The following USP8 variants were observed in gnomAD, a reference collection of about 807,000 sequenced individuals.
USP8 encodes the protein ubiquitin specific peptidase 8.
In USP8, 27 loss-of-function variants were observed where a neutral mutation model predicts 130.0. That is an observed-to-expected ratio of 0.21 (90% CI 0.15 to 0.29). USP8 has a LOEUF of 0.29. USP8 is among the 10% of genes least tolerant of loss of function. The pLI, the probability that USP8 is intolerant of heterozygous loss-of-function variation, is 1.00. For missense variants in USP8, 1,029 were observed against 1,312.2 expected, an observed-to-expected ratio of 0.78 and a Z score of 3.33; for synonymous variants, 392 against 444.1, an observed-to-expected ratio of 0.88 and a Z score of 1.48.
intron 12 of USP8, among the ~76,000 whole-genome samples, chr15:50,485,593 G>A (rs1422566981): frequency 4.5e-5 from 2 of 44,186 alleles, no homozygotes; most frequent in African/African-American, 8.0e-5. Context: ...TAGTAATTTA[G>A]TGTTGTGAAA....
intron 7 of USP8, among the ~76,000 whole-genome samples, chr15:50,468,061 G>C (rs1349868357): frequency 1.3e-5 from 2 of 151,664 alleles, no homozygotes; most frequent in Non-Finnish European, 1.5e-5. Flanking sequence ...TCAGCCCCCT[G>C]AGTAGCTGGG....
intron 3 of USP8, 64 bp downstream of exon 3, chr15:50,441,557 T>C: frequency 7.1e-7 from 1 of 1,399,334 alleles, no homozygotes; most frequent in Non-Finnish European, 9.5e-7. Flanking sequence ...ATTGATTTTT[T>C]TCTAAAAATT....
chr15:50,440,804 A>G (rs1276069323), intron 2 of USP8, among the ~76,000 whole-genome samples: 1 of 151,990 alleles, frequency 6.6e-6, no homozygotes, highest in Non-Finnish European at 1.5e-5. Flanking sequence ...GGAGTTCAAG[A>G]CCAGCCTGAC....
In USP8 at chr15:50,471,668, A is replaced by T. The variant is rs757443139; in HGVS notation, c.722A>T (p.Asp241Val). 2 of 1,613,906 alleles carry T rather than the reference A, an allele frequency of 1.2e-6. No individual in the cohort carries two copies. Among genetic ancestry groups the T allele is most frequent in the East Asian group, 4.5e-5 (2 of 44,854 alleles). ...AGTTGGATTGAAGCACACCTGCCAG[A>T]TGATTCTAAAGACACATGGAAGAAG... ...TASWIEAHLP[D>V]DSKDTWKKRG... The change falls in exon 8 of 20, where the codon GAT (aspartate) becomes GTT (valine). Residue 241 changes from aspartate (D) to valine (V), a missense_variant. Coordinates refer to ENST00000307179, the MANE Select transcript of USP8 (RefSeq NM_005154.5).
At chr15:50,446,675 T>C (rs932468796) in intron 3 of USP8, among the ~76,000 whole-genome samples, 6 of 152,228 alleles carry the variant, frequency 3.9e-5, no homozygotes, top group Non-Finnish European at 8.8e-5. Context: ...AATTACATAG[T>C]GAAGGGTCCT....
intron 4 of USP8, among the ~76,000 whole-genome samples, chr15:50,451,754 A>G (rs2050635489): frequency 6.6e-6 from 1 of 152,182 alleles, no homozygotes; most frequent in Non-Finnish European, 1.5e-5. Flanking sequence ...CTAATTCTGT[A>G]ATAAGTCAAC....
chr15:50,469,608 A>G (rs1214920822), intron 7 of USP8, among the ~76,000 whole-genome samples: 2 of 152,154 alleles, frequency 1.3e-5, no homozygotes, highest in Admixed American at 6.5e-5. Flanking sequence ...CCTGGAAGAT[A>G]CAGTAACCAA....
In USP8 at chr15:50,477,223, A is replaced by G. The variant is rs73405109; in HGVS notation, c.995-53A>G. The G allele has an allele frequency of 3.3e-4, 497 of 1,483,640 alleles. 3 individuals are homozygous for G. The African/African-American group carries it at 5.7e-3, about 17-fold the overall frequency. 91.9% of individuals were successfully genotyped at this position (1,483,640 alleles called of 1,614,324 possible). ...ATTAACACGCATGAGAAATGTAAGT[A>G]CTGTGTATGGGGTTTGCTATTCTAA... On this transcript the variant is annotated intron_variant, in intron 9 of 19. Transcript: ENST00000307179.
intron 12 of USP8, among the ~76,000 whole-genome samples, chr15:50,488,386 A>G (rs1176096531): frequency 1.3e-5 from 2 of 151,812 alleles, no homozygotes; most frequent in African/African-American, 4.8e-5. Flanking sequence ...TATTTATTAC[A>G]TGTTTGTATT....
Position 50,499,483 on chromosome 15 carries a change from G to GAATGT in USP8, c.*397_*401dup, listed in dbSNP as rs1277237934. The GAATGT allele has an allele frequency of 6.5e-6, 1 of 154,856 alleles. No individual in the cohort carries two copies. The highest frequency in any genetic ancestry group is 2.4e-5 in the African/African-American group (1 of 41,494). 9.6% of individuals were successfully genotyped at this position (154,856 alleles called of 1,614,324 possible). Reference sequence around the variant, plus strand: ...CTCTAGAATGATGTAAAGCAGATAGGAATGTATGTGTACATATTTATTGCA... The same window carrying GAATGT: ...CTCTAGAATGATGTAAAGCAGATAGGAATGTAATGTATGTGTACATATTTATTGCA... On this transcript the variant is annotated 3_prime_UTR_variant, in exon 20 of 20. Coordinates refer to ENST00000307179, the MANE Select transcript of USP8 (RefSeq NM_005154.5).
At chr15:50,428,347 G>A (rs1404155707) in intron 1 of USP8, among the ~76,000 whole-genome samples, 1 of 151,990 alleles carries the variant, frequency 6.6e-6, no homozygotes. Flanking sequence ...GAACTCCTGA[G>A]CTCAGGCAAT....
chr15:50,464,227 C>T (rs2051106161), intron 6 of USP8, among the ~76,000 whole-genome samples: 1 of 152,118 alleles, frequency 6.6e-6, no homozygotes, highest in African/African-American at 2.4e-5. Context: ...AGTTTTTCAA[C>T]CTCTGATGTA....
rs1240072093 is a variant in USP8 at position 50,424,738 on chromosome 15, T to G, written c.-66+224T>G. On this transcript the variant is annotated intron_variant, in intron 1 of 19. Coordinates refer to ENST00000307179, the MANE Select transcript of USP8 (RefSeq NM_005154.5). ...AGGATTGCCAAGCGAGTTTCGTGTGTTTTTTTGGTTTTAAAAGGTGGCTTT... is the reference window on the plus strand; with the variant it reads ...AGGATTGCCAAGCGAGTTTCGTGTGGTTTTTTGGTTTTAAAAGGTGGCTTT... 1.1e-5 allele frequency: 4 copies of G among 369,164 alleles called. No individual in the cohort carries two copies. In the East Asian group the frequency reaches 1.2e-4, roughly 11 times the overall value. The allele number at this position is 369,164 out of a possible 1,614,324, so 22.9% of individuals were successfully genotyped here. A position where few individuals can be genotyped will look rare whatever the true frequency, so the allele number is the denominator to read the frequency against.
intron 5 of USP8, among the ~76,000 whole-genome samples, chr15:50,460,421 G>A (rs1327890364): frequency 6.7e-6 from 1 of 148,722 alleles, no homozygotes; most frequent in African/African-American, 2.5e-5. Context: ...ATTCTCCTAG[G>A]CTTCAGCCTT....
chr15:50,484,046 A>T lies in USP8; in HGVS notation c.1804-229A>T, dbSNP rs543630612. Among the ~76,000 whole-genome samples the T allele has an allele frequency of 1.8e-3, 271 of 152,216 alleles. 2 individuals carry two copies. The highest frequency in any genetic ancestry group is 0.01 in the Middle Eastern group (3 of 294). On this transcript the variant is annotated intron_variant, in intron 11 of 19. Coordinates refer to ENST00000307179, the MANE Select transcript of USP8 (RefSeq NM_005154.5). ...GCCATGTAGTGTGAACCAGTGCTTC[A>T]CAGTCCACTTTGATTTTCATCTTTT...
rs1346623048 is a variant in USP8 at position 50,505,581 on chromosome 15, A to G, written c.*6493A>G. On this transcript the variant is annotated 3_prime_UTR_variant, in exon 20 of 20. Transcript: ENST00000307179. ...TACATAATAGACAGTGATTAACAAA[A>G]AAGACTGATGAAGATCCGGGCAAAT... The G allele has an allele frequency of 1.3e-5, 2 of 152,224 alleles. No individual in the cohort carries two copies. Among genetic ancestry groups the G allele is most frequent in the African/African-American group, 4.8e-5 (2 of 41,456 alleles). The allele number at this position is 152,224 out of a possible 1,614,324, so 9.4% of individuals were successfully genotyped here. A position where few individuals can be genotyped will look rare whatever the true frequency, so the allele number is the denominator to read the frequency against.
chr15:50,484,245 T>G (rs536569449), intron 11 of USP8, 30 bp from the exon 12 acceptor site: 2 of 1,561,088 alleles, frequency 1.3e-6, no homozygotes, highest in African/African-American at 1.4e-5. Context: ...AAAGTTTTCT[T>G]TCACTTCTGT....
chr15:50,494,702 C>T (rs989884015), intron 16 of USP8, among the ~76,000 whole-genome samples: 8 of 152,228 alleles, frequency 5.3e-5, no homozygotes, highest in African/African-American at 1.9e-4. Context: ...TGCCTTTATT[C>T]TTACACATCC....
At position 50,476,170 on chromosome 15, in the gene USP8, G is replaced by A. The variant is rs138187360; in HGVS notation, c.850-679G>A. Among the ~76,000 whole-genome samples the A allele has an allele frequency of 1.2e-4, 19 of 152,278 alleles. No individual in the cohort carries two copies. In the East Asian group the frequency reaches 2.7e-3, roughly 22 times the overall value. ...GAATAGGCCATGTGCAGCGGCTCAC[G>A]CCTATAAATCCCAGCACTTTGGGCT... On this transcript the variant is annotated intron_variant, in intron 8 of 19. Coordinates refer to ENST00000307179, the MANE Select transcript of USP8 (RefSeq NM_005154.5).
Sources: gnomAD v4.1 joint callset for allele counts (sites outside exome capture counted in the v4.1 genomes callset) on GRCh38, gnomAD v4.1.1 for gene constraint, MANE v1.5 for transcripts, NCBI Gene and HGNC (gene_info 2026-07-23, HGNC 2026-07-21) for gene names.